The following ATP2B2 variants were observed in gnomAD, a reference collection of about 807,000 sequenced individuals.
ATP2B2 encodes the protein ATPase plasma membrane Ca2+ transporting 2.
Under a neutral mutation model 120.0 loss-of-function variants are expected in ATP2B2, and 15 were observed. The observed-to-expected ratio is 0.12, with a 90% CI of 0.08 to 0.19. The LOEUF (loss-of-function observed/expected upper bound fraction) is 0.19. Ranked by LOEUF, ATP2B2 falls within the 10% of genes least tolerant of loss-of-function variation. ATP2B2 has a pLI of 1.00. For synonymous variants in ATP2B2, 694 were observed against 700.3 expected (o/e 0.99, Z 0.14); for missense variants, 1,045 against 1,719.8 (o/e 0.61, Z 6.94).
At chr3:10,595,334 G>C (rs998782202) in intron 2 of ATP2B2, among the ~76,000 whole-genome samples, 1 of 152,168 alleles carries the variant, frequency 6.6e-6, no homozygotes, top group Non-Finnish European at 1.5e-5. Context: ...TATTCCAGTG[G>C]GCATCTCCTC....
At chr3:10,413,158 TG>T (rs1257710969) in intron 2 of ATP2B2, among the ~76,000 whole-genome samples, 10 of 152,234 alleles carry the variant, frequency 6.6e-5, no homozygotes, top group African/African-American at 2.4e-4. Context: ...TGCCAGGTTC[TG>T]GGGAGTGTGA....
Position 10,635,367 on chromosome 3 carries a change from A to C in ATP2B2, c.-459-15406T>G, listed in dbSNP as rs970051844. On this transcript the variant is annotated intron_variant, in intron 1 of 21. Transcript: ENST00000646379. This position sits in a 1 kb window ranked among gnomAD's most constrained non-coding sequence, Gnocchi z 4.3. ...TAGGAATGTTGCACCCCAAGTAATC[A>C]GAAAACAGCTCTAAAAGCCTCCTGC... 3.9e-5 allele frequency among the ~76,000 whole-genome samples: 6 copies of C among 152,160 alleles called. No homozygotes were observed. The highest frequency in any genetic ancestry group is 1.4e-4 in the African/African-American group (6 of 41,426).
chr3:10,528,715 T>A (rs1439757340), intron 3 of ATP2B2, among the ~76,000 whole-genome samples: 5 of 152,236 alleles, frequency 3.3e-5, no homozygotes. Context: ...CAACTCCTGT[T>A]TGACAAATAG....
In ATP2B2 at chr3:10,652,202, T is replaced by C. The variant is rs188872238; in HGVS notation, c.-459-32241A>G. 2.1e-3 allele frequency among the ~76,000 whole-genome samples: 314 copies of C among 152,288 alleles called. 1 individual carries two copies. Among genetic ancestry groups the C allele is most frequent in the African/African-American group, 6.1e-3 (255 of 41,556 alleles). On this transcript the variant is annotated intron_variant, in intron 1 of 21. Coordinates refer to the ATP2B2 transcript ENST00000646379. ...GTATAAATCAGCTTCTCTGGGCTGA[T>C]GACCCCACCACGTGGCCCAGAGGGA...
At chr3:10,408,019 C>A (rs1182124973) in intron 3 of ATP2B2, among the ~76,000 whole-genome samples, 1 of 152,190 alleles carries the variant, frequency 6.6e-6, no homozygotes, top group Admixed American at 6.5e-5. Context: ...GATGTGGCAG[C>A]TGTTGTCAAA....
chr3:10,533,497 C>T (rs2067250991), intron 3 of ATP2B2, among the ~76,000 whole-genome samples: 1 of 152,196 alleles, frequency 6.6e-6, no homozygotes, highest in South Asian at 2.1e-4. Context: ...CTGAGTCCAG[C>T]TGCCAAGCTC....
At chr3:10,664,026 C>T (rs964523691) in intron 1 of ATP2B2, among the ~76,000 whole-genome samples, 2 of 152,118 alleles carry the variant, frequency 1.3e-5, no homozygotes, top group African/African-American at 4.8e-5. Context: ...TACAAGTGGC[C>T]TCGTTGACTG....
At chr3:10,473,723 T>C (rs959890372) in intron 1 of ATP2B2, among the ~76,000 whole-genome samples, 3 of 152,166 alleles carry the variant, frequency 2.0e-5, no homozygotes, top group African/African-American at 7.2e-5. Context: ...GCTGGGGCAG[T>C]ATGTTCCAGG....
chr3:10,423,613 C>T (rs1032472323), intron 2 of ATP2B2, among the ~76,000 whole-genome samples: 1 of 152,204 alleles, frequency 6.6e-6, no homozygotes, highest in Non-Finnish European at 1.5e-5. Context: ...GCCAGAAAAG[C>T]CCCTTATTCC....
At chr3:10,583,631 G>GA (rs2068441864) in intron 2 of ATP2B2, among the ~76,000 whole-genome samples, 1 of 152,160 alleles carries the variant, frequency 6.6e-6, no homozygotes, top group African/African-American at 2.4e-5. Context: ...ATGAACGTAG[G>GA]ACAACTTTGC....
intron 1 of ATP2B2, among the ~76,000 whole-genome samples, chr3:10,498,597 C>T (rs1027288676): frequency 6.6e-6 from 1 of 152,248 alleles, no homozygotes; most frequent in Non-Finnish European, 1.5e-5. Context: ...CCATGGCTCC[C>T]ACAAAATGGT....
intron 17 of ATP2B2, among the ~76,000 whole-genome samples, chr3:10,345,788 C>A (rs967876972): frequency 7.9e-5 from 12 of 152,196 alleles, no homozygotes; most frequent in Admixed American, 7.9e-4. Flanking sequence ...CCCTCTCCCC[C>A]TCTGTTATCT....
chr3:10,442,177 A>G (rs1462806593), intron 2 of ATP2B2, among the ~76,000 whole-genome samples: 1 of 152,108 alleles, frequency 6.6e-6, no homozygotes. Context: ...AGGCCTCTGC[A>G]TGGTGGGTCT....
chr3:10,332,394 A>T (rs891799710), intron 22 of ATP2B2: 1 of 271,272 alleles, frequency 3.7e-6, no homozygotes, highest in African/African-American at 2.1e-5. Flanking sequence ...GGAGCCTGCT[A>T]CAGACTTGCT....
chr3:10,379,901 T>C (rs1267660384), intron 8 of ATP2B2, among the ~76,000 whole-genome samples: 2 of 152,126 alleles, frequency 1.3e-5, no homozygotes, highest in Non-Finnish European at 2.9e-5. Flanking sequence ...CTTCACACTC[T>C]GAAGAGTGTG....
chr3:10,616,059 T>C (rs2125616146), intron 2 of ATP2B2, among the ~76,000 whole-genome samples: 1 of 152,098 alleles, frequency 6.6e-6, no homozygotes. Context: ...CACACTTACC[T>C]CCCTCCCCCG....
At chr3:10,474,156 C>T (rs560482333) in intron 1 of ATP2B2, among the ~76,000 whole-genome samples, 1 of 152,128 alleles carries the variant, frequency 6.6e-6, no homozygotes, top group East Asian at 1.9e-4. Flanking sequence ...AGGCTGATAA[C>T]CTGAGCTATG....
intron 1 of ATP2B2, among the ~76,000 whole-genome samples, chr3:10,476,095 G>A (rs1317739811): frequency 1.3e-5 from 2 of 152,098 alleles, no homozygotes; most frequent in Non-Finnish European, 2.9e-5. Flanking sequence ...GAGTTACCCC[G>A]CTAAGCAAGT....
rs912011421 is a variant in ATP2B2 at position 10,345,274 on chromosome 3, C to G, written c.2703+110G>C. On this transcript the variant is annotated intron_variant, in intron 18 of 22. Coordinates refer to ENST00000360273, the MANE Select transcript of ATP2B2 (RefSeq NM_001001331.4). ...GCAGGTGCTCCATCGATGGGTGCCT[C>G]ATCCCCGGCTGTTCTGACAGGGACA... is the stretch of plus-strand genomic sequence containing the variant. 3 of 1,278,302 alleles carry G rather than the reference C, an allele frequency of 2.3e-6. No homozygotes were observed. The African/African-American group carries it at 4.4e-5, about 19-fold the overall frequency. 79.2% of individuals were successfully genotyped at this position (1,278,302 alleles called of 1,614,324 possible).
Sources: gnomAD v4.1 joint callset for allele counts (sites outside exome capture counted in the v4.1 genomes callset) on GRCh38, gnomAD v4.1.1 for gene constraint, Gnocchi (gnomAD v3.1) non-coding constraint, MANE v1.5 for transcripts, NCBI Gene and HGNC (gene_info 2026-07-23, HGNC 2026-07-21) for gene names.